ADAMTS19: variants seen among roughly 807,000 people sequenced by gnomAD.
ADAMTS19 encodes the protein A disintegrin and metalloproteinase with thrombospondin motifs 19.
In ADAMTS19, 93 loss-of-function variants were observed where a neutral mutation model predicts 153.3. That is an observed-to-expected ratio of 0.61 (90% CI 0.51 to 0.72). The LOEUF (loss-of-function observed/expected upper bound fraction) is 0.72. ADAMTS19 is among the 30% of genes least tolerant of loss of function. The pLI, the probability that ADAMTS19 is intolerant of heterozygous loss-of-function variation, is 0.00. For synonymous variants in ADAMTS19, 600 were observed against 556.6 expected, an observed-to-expected ratio of 1.08 and a Z score of -1.10; for missense variants, 1,482 against 1,552.1, an observed-to-expected ratio of 0.95 and a Z score of 0.76.
At chr5:129,589,147 A>G (rs946634077) in intron 7 of ADAMTS19, among the ~76,000 whole-genome samples, 1 of 151,792 alleles carries the variant, frequency 6.6e-6, no homozygotes, top group African/African-American at 2.4e-5. Flanking sequence ...TGAATTCACT[A>G]TATTACTTCC....
At chr5:129,603,899 G>A (rs932222296) in intron 8 of ADAMTS19, among the ~76,000 whole-genome samples, 31 of 152,306 alleles carry the variant, frequency 2.0e-4, no homozygotes, top group African/African-American at 7.2e-4. Flanking sequence ...TGAGAAACAT[G>A]GAAGAGTTCT....
chr5:129,692,705 C>T (rs1008582500), intron 18 of ADAMTS19, among the ~76,000 whole-genome samples: 1 of 152,188 alleles, frequency 6.6e-6, no homozygotes, highest in African/African-American at 2.4e-5. Context: ...GTGGGGCCAC[C>T]TCTATGTGGA....
chr5:129,655,410 GA>G (rs1753503748), intron 14 of ADAMTS19, among the ~76,000 whole-genome samples: 1 of 152,212 alleles, frequency 6.6e-6, no homozygotes, highest in Non-Finnish European at 1.5e-5. Flanking sequence ...AAGCAGGAAA[GA>G]AATAAATCCT....
chr5:129,481,552 C>A (rs868502050), intron 2 of ADAMTS19, among the ~76,000 whole-genome samples: 4 of 152,250 alleles, frequency 2.6e-5, no homozygotes, highest in African/African-American at 9.6e-5. Context: ...CCTGGAGGTA[C>A]AGGTATAGTC....
At chr5:129,533,029 G>T (rs1752267883) in intron 6 of ADAMTS19, among the ~76,000 whole-genome samples, 1 of 152,122 alleles carries the variant, frequency 6.6e-6, no homozygotes, top group African/African-American at 2.4e-5. Context: ...CTTGAACCTG[G>T]CAGGCGGAGG....
intron 18 of ADAMTS19, chr5:129,688,359 A>G (rs1161283094): frequency 6.6e-6 from 1 of 152,208 alleles, no homozygotes; most frequent in African/African-American, 2.4e-5. Context: ...AAATGTGTGT[A>G]TAAGATGTTA....
At chr5:129,688,245 G>C (rs1208258783) in intron 18 of ADAMTS19, 1 of 152,102 alleles carries the variant, frequency 6.6e-6, no homozygotes, top group Non-Finnish European at 1.5e-5. Flanking sequence ...ATTGGAAACA[G>C]ATTCATGCAA....
intron 21 of ADAMTS19, among the ~76,000 whole-genome samples, chr5:129,730,928 TTTTTGTTTTGTTTTGTTTTGTTTTG>T (rs143197904): frequency 6.8e-6 from 1 of 147,326 alleles, no homozygotes; most frequent in Non-Finnish European, 1.5e-5. Context: ...TGTTGTTGTT[TTTTTGTTTTGTTTTGTTTTGTTTTG>T]TTTTGTTTTG....
chr5:129,464,656 G>A (rs1332063841), intron 2 of ADAMTS19, among the ~76,000 whole-genome samples: 1 of 152,190 alleles, frequency 6.6e-6, no homozygotes, highest in East Asian at 1.9e-4. Context: ...ACTCTAACTT[G>A]TGTTATCAAA....
rs1009996870 is a variant in ADAMTS19 at position 129,551,729 on chromosome 5, T to C, written c.1329-135T>C. On this transcript the variant is annotated intron_variant, in intron 6 of 22. Coordinates refer to ENST00000274487, the MANE Select transcript of ADAMTS19 (RefSeq NM_133638.6). ...ATCTTAGAATTAAAAATTAATCTTATTCACAGTTTTATTAGATTCTTGGAG... is the reference window on the plus strand; with the variant it reads ...ATCTTAGAATTAAAAATTAATCTTACTCACAGTTTTATTAGATTCTTGGAG... 3 of 565,032 alleles carry C rather than the reference T, an allele frequency of 5.3e-6. No homozygotes were observed. In the Admixed American group the frequency reaches 1.2e-4, roughly 22 times the overall value. The allele number at this position is 565,032 out of a possible 1,614,324, so 35.0% of individuals were successfully genotyped here. A position where few individuals can be genotyped will look rare whatever the true frequency, so the allele number is the denominator to read the frequency against.
At chr5:129,518,191 T>G (rs1751677204) in intron 3 of ADAMTS19, among the ~76,000 whole-genome samples, 1 of 152,144 alleles carries the variant, frequency 6.6e-6, no homozygotes, top group African/African-American at 2.4e-5. Flanking sequence ...TTTGATTGTG[T>G]CATTGTTTAG....
At chr5:129,579,590 C>A (rs1179791149) in intron 7 of ADAMTS19, among the ~76,000 whole-genome samples, 3 of 152,068 alleles carry the variant, frequency 2.0e-5, no homozygotes, top group Admixed American at 1.3e-4. Flanking sequence ...TTTAAGTCTT[C>A]AATCTATCTT....
At chr5:129,468,023 A>T (rs74984349) in intron 2 of ADAMTS19, among the ~76,000 whole-genome samples, 18,296 of 152,222 alleles carry the variant, frequency 0.12, 1,223 homozygotes, top group Middle Eastern at 0.17. Flanking sequence ...ACGTCCTCTT[A>T]TATCTGATTG....
chr5:129,461,618 C>G lies in ADAMTS19; in HGVS notation c.608C>G (p.Pro203Arg), dbSNP rs746470647. Residue 203 changes from proline to arginine, a missense_variant, in exon 2 of 23, where the codon CCA (proline) becomes CGA (arginine). Transcript: ENST00000274487. This position sits in a 1 kb window ranked among gnomAD's most constrained non-coding sequence, Gnocchi z 4.6. ...CCGCGCTTCGCAGTGGAACAGCGGC[C>G]AAATCCCGGCCCCGGCCCCACGGGG... is the stretch of plus-strand genomic sequence containing the variant. ...LAPRFAVEQR[P>R]NPGPGPTGAA... is the part of the protein sequence containing the mutation. The G allele has an allele frequency of 6.3e-7, 1 of 1,591,972 alleles. No homozygotes were observed. The highest frequency in any genetic ancestry group is 1.7e-5 in the Admixed American group (1 of 59,104).
At chr5:129,500,199 G>A (rs955343) in intron 2 of ADAMTS19, among the ~76,000 whole-genome samples, 17,306 of 152,054 alleles carry the variant, frequency 0.11, 1,105 homozygotes, top group Middle Eastern at 0.16. Flanking sequence ...TACATCCAGT[G>A]AAAAAGGGAG....
intron 16 of ADAMTS19, among the ~76,000 whole-genome samples, chr5:129,676,405 G>T (rs543510273): frequency 2.0e-5 from 3 of 152,138 alleles, no homozygotes; most frequent in Admixed American, 6.5e-5. Context: ...CTCCACTAAA[G>T]ACTTCAGCTG....
intron 10 of ADAMTS19, among the ~76,000 whole-genome samples, chr5:129,628,608 C>T (rs1399463723): frequency 1.3e-5 from 2 of 151,952 alleles, no homozygotes; most frequent in East Asian, 3.9e-4. Context: ...GGAAGTATAA[C>T]TTAAAAGTAT....
At chr5:129,464,909 T>G (rs1279570924) in intron 2 of ADAMTS19, among the ~76,000 whole-genome samples, 1 of 152,214 alleles carries the variant, frequency 6.6e-6, no homozygotes, top group African/African-American at 2.4e-5. Flanking sequence ...ATACTACCAC[T>G]AATCAATTAA....
intron 13 of ADAMTS19, among the ~76,000 whole-genome samples, chr5:129,651,823 T>C (rs976242259): frequency 2.0e-5 from 3 of 152,206 alleles, no homozygotes; most frequent in African/African-American, 4.8e-5. Flanking sequence ...GAATATTTGT[T>C]AAATAAATTT....
Sources: gnomAD v4.1 joint callset for allele counts (sites outside exome capture counted in the v4.1 genomes callset) on GRCh38, gnomAD v4.1.1 for gene constraint, Gnocchi (gnomAD v3.1) non-coding constraint, MANE v1.5 for transcripts, NCBI Gene and HGNC (gene_info 2026-07-23, HGNC 2026-07-21) for gene names.